SGCZ: variants seen among roughly 807,000 people sequenced by gnomAD.
The protein encoded by SGCZ is sarcoglycan zeta.
A neutral mutation model predicts 41.3 loss-of-function variants in SGCZ; 40 were observed. That is an observed-to-expected ratio of 0.97 (90% confidence interval 0.75 to 1.26). The LOEUF (loss-of-function observed/expected upper bound fraction) is 1.26. Ranked by LOEUF, SGCZ falls within the 50% of genes most tolerant of loss-of-function variation. The pLI, the probability that SGCZ is intolerant of heterozygous loss-of-function variation, is 0.00. For missense variants in SGCZ, 552 were observed against 369.8 expected (o/e 1.49, Z -4.04); for synonymous variants, 206 against 137.5 (o/e 1.50, Z -3.49).
chr8:14,550,653 G>A (rs1414302186), intron 2 of SGCZ, among the ~76,000 whole-genome samples: 1 of 151,880 alleles, frequency 6.6e-6, no homozygotes, highest in East Asian at 1.9e-4. Context: ...GTAGATCACA[G>A]GAGCATCTCC....
chr8:15,076,858 A>G (rs1014782886), intron 1 of SGCZ, among the ~76,000 whole-genome samples: 11 of 151,978 alleles, frequency 7.2e-5, no homozygotes, highest in African/African-American at 2.7e-4. Flanking sequence ...GGGAAAAAAA[A>G]GAGATTTCTT....
chr8:14,554,993 A>G (rs1803990852), intron 1 of SGCZ, 67 bp from the exon 2 acceptor site: 2 of 1,410,278 alleles, frequency 1.4e-6, no homozygotes, highest in Non-Finnish European at 1.9e-6. Context: ...AAATAAACCC[A>G]TGATTTTTTT....
chr8:14,522,659 T>TA (rs1563384109), intron 2 of SGCZ, among the ~76,000 whole-genome samples: 3 of 151,752 alleles, frequency 2.0e-5, no homozygotes, highest in African/African-American at 7.2e-5. Context: ...GTCATTTTTT[T>TA]TAAAAAATAC....
chr8:14,223,697 C>T lies in SGCZ; in HGVS notation c.424+13895G>A, dbSNP rs1013407112. ...GCATTCTCATGAATGCCATGACCCACGGAACCACCTGCCTATTCTGATAAA... is the reference window on the plus strand; with the variant it reads ...GCATTCTCATGAATGCCATGACCCATGGAACCACCTGCCTATTCTGATAAA... On this transcript the variant is annotated intron_variant, in intron 4 of 7. Transcript: ENST00000382080. Among the ~76,000 whole-genome samples, 23 of 152,122 alleles carry T rather than the reference C, an allele frequency of 1.5e-4. No individual in the cohort carries two copies. In the South Asian group the frequency reaches 2.5e-3, roughly 16 times the overall value.
At chr8:14,253,866 G>C (rs1182363849) in intron 3 of SGCZ, among the ~76,000 whole-genome samples, 2 of 152,072 alleles carry the variant, frequency 1.3e-5, no homozygotes, top group Non-Finnish European at 2.9e-5. Context: ...CCTTCTCCTA[G>C]TGGAGAAATA....
intron 2 of SGCZ, among the ~76,000 whole-genome samples, chr8:14,363,801 A>C (rs1803609110): frequency 6.6e-6 from 1 of 152,098 alleles, no homozygotes; most frequent in Non-Finnish European, 1.5e-5. Context: ...ATTCAGATTT[A>C]TCTAACACTC....
At chr8:14,635,803 C>A (rs1172526630) in intron 1 of SGCZ, among the ~76,000 whole-genome samples, 1 of 151,786 alleles carries the variant, frequency 6.6e-6, no homozygotes, top group Non-Finnish European at 1.5e-5. Flanking sequence ...TAAGTGCAGA[C>A]TGCTATACTG....
intron 1 of SGCZ, among the ~76,000 whole-genome samples, chr8:14,927,727 G>C (rs1264491890): frequency 6.6e-6 from 1 of 152,160 alleles, no homozygotes; most frequent in African/African-American, 2.4e-5. Flanking sequence ...TTGAGAAAAA[G>C]AATACATTCA....
At chr8:14,319,330 T>G (rs1018053767) in intron 3 of SGCZ, 2 of 151,980 alleles carry the variant, frequency 1.3e-5, no homozygotes, top group Non-Finnish European at 2.9e-5. Context: ...GACTTAATAG[T>G]GAAGTGTGTT....
rs1370136724 is a variant in SGCZ, at chr8:14,222,747, CCTAA to C, written c.424+14841_424+14844del. On this transcript the variant is annotated intron_variant, in intron 4 of 7. Transcript: ENST00000382080. ...CTAAACTATTAACCAATTTTACCTA[CCTAA>C]CTTATTTAATAACTAATTCCACCCT... 3.4e-5 allele frequency among the ~76,000 whole-genome samples: 5 copies of C among 147,130 alleles called. No homozygotes were observed. In the Admixed American group the frequency reaches 3.4e-4, roughly 10 times the overall value.
chr8:14,594,893 A>C (rs942788334), intron 1 of SGCZ, among the ~76,000 whole-genome samples: 2 of 151,876 alleles, frequency 1.3e-5, no homozygotes, highest in East Asian at 3.9e-4. Flanking sequence ...TATTACAGAG[A>C]CACTGTTATA....
At chr8:15,064,128 A>G (rs918836124) in intron 1 of SGCZ, among the ~76,000 whole-genome samples, 1 of 152,006 alleles carries the variant, frequency 6.6e-6, no homozygotes, top group Non-Finnish European at 1.5e-5. Flanking sequence ...TCTTCATTTT[A>G]TTCCTGGGTG....
At chr8:14,290,464 T>C (rs535331530) in intron 3 of SGCZ, among the ~76,000 whole-genome samples, 99 of 152,096 alleles carry the variant, frequency 6.5e-4, no homozygotes, top group South Asian at 3.5e-3. Flanking sequence ...ATCCAAAATA[T>C]ATAAGAAACT....
chr8:14,947,604 G>A (rs1165126677), intron 1 of SGCZ, among the ~76,000 whole-genome samples: 1 of 152,244 alleles, frequency 6.6e-6, no homozygotes. Flanking sequence ...TAGTAAAGGC[G>A]TAGTGCCCCT....
intron 3 of SGCZ, among the ~76,000 whole-genome samples, chr8:14,247,360 AT>A (rs2117196881): frequency 1.3e-5 from 2 of 152,260 alleles, no homozygotes; most frequent in East Asian, 3.9e-4. Context: ...TACGGATGGT[AT>A]TGATGAATAT....
intron 1 of SGCZ, among the ~76,000 whole-genome samples, chr8:14,798,594 C>G (rs1441186195): frequency 2.0e-5 from 3 of 152,254 alleles, no homozygotes; most frequent in Middle Eastern, 3.4e-3. Flanking sequence ...GCACTTTATA[C>G]TGTACTAACT....
At chr8:14,614,019 G>A (rs1301504973) in intron 1 of SGCZ, among the ~76,000 whole-genome samples, 1 of 152,024 alleles carries the variant, frequency 6.6e-6, no homozygotes, top group Non-Finnish European at 1.5e-5. Context: ...GTCAGTTTAG[G>A]CACTGCCTTC....
chr8:14,233,629 T>C (rs945255682), intron 4 of SGCZ, among the ~76,000 whole-genome samples: 1 of 148,664 alleles, frequency 6.7e-6, no homozygotes, highest in African/African-American at 2.4e-5. Flanking sequence ...ATATCTTTCC[T>C]GAGATAATAA....
chr8:14,128,098 C>T (rs533660378), intron 5 of SGCZ, among the ~76,000 whole-genome samples: 76 of 152,152 alleles, frequency 5.0e-4, no homozygotes, highest in African/African-American at 1.7e-3. Context: ...CAGATTCTGG[C>T]GAGGTTGTGG....
Sources: gnomAD v4.1 joint callset for allele counts (sites outside exome capture counted in the v4.1 genomes callset) on GRCh38, gnomAD v4.1.1 for gene constraint, MANE v1.5 for transcripts, NCBI Gene and HGNC (gene_info 2026-07-23, HGNC 2026-07-21) for gene names.